CFAP77: variants seen among roughly 807,000 people sequenced by gnomAD.
CFAP77 encodes the protein cilia and flagella associated protein 77, also known as cilia- and flagella-associated protein 77.
Under a neutral mutation model 31.1 loss-of-function variants are expected in CFAP77, and 25 were observed. The observed-to-expected ratio is 0.80, with a 90% CI of 0.59 to 1.12. The LOEUF (loss-of-function observed/expected upper bound fraction) is 1.12, where lower values mean the gene tolerates loss of function less well. Ranked by LOEUF, CFAP77 falls within the 50% of genes most tolerant of loss-of-function variation. The pLI, the probability that CFAP77 is intolerant of heterozygous loss-of-function variation, is 0.00. For synonymous variants in CFAP77, 151 were observed against 159.9 expected (o/e 0.94, Z 0.42); for missense variants, 377 against 397.3 (o/e 0.95, Z 0.44).
At chr9:132,549,018 T>A (rs1852781502) in intron 5 of CFAP77, among the ~76,000 whole-genome samples, 1 of 152,028 alleles carries the variant, frequency 6.6e-6, no homozygotes, top group Non-Finnish European at 1.5e-5. Flanking sequence ...AAAAAATATA[T>A]CTCAGCAGCC....
intron 3 of CFAP77, among the ~76,000 whole-genome samples, chr9:132,519,082 T>C (rs1852199046): frequency 6.6e-6 from 1 of 151,988 alleles, no homozygotes; most frequent in African/African-American, 2.4e-5. Context: ...TGCTGTATGC[T>C]CTGTGACCCC....
chr9:132,551,272 C>T (rs886161544), intron 5 of CFAP77, among the ~76,000 whole-genome samples: 1 of 147,614 alleles, frequency 6.8e-6, no homozygotes, highest in African/African-American at 2.5e-5. Flanking sequence ...TGGGTGCCAG[C>T]CTGGGTGCCC....
chr9:132,456,913 A>G (rs525754), intron 1 of CFAP77, among the ~76,000 whole-genome samples: 63,450 of 151,616 alleles, frequency 0.42, 14,106 homozygotes, highest in African/African-American at 0.58. Context: ...ACCGTGTCTG[A>G]CTAATGTATG....
intron 1 of CFAP77, among the ~76,000 whole-genome samples, chr9:132,433,361 T>C (rs1349377854): frequency 6.6e-6 from 1 of 152,142 alleles, no homozygotes; most frequent in Non-Finnish European, 1.5e-5. Context: ...ATGGCCCTTC[T>C]TCCCTTACCA....
chr9:132,461,674 G>A (rs1851052048), intron 1 of CFAP77, among the ~76,000 whole-genome samples: 1 of 152,212 alleles, frequency 6.6e-6, no homozygotes, highest in East Asian at 1.9e-4. Flanking sequence ...TATTGGTTTA[G>A]CAAAGGCAGA....
intron 3 of CFAP77, among the ~76,000 whole-genome samples, chr9:132,529,810 C>G (rs370664805): frequency 0.069 from 10,157 of 148,126 alleles, 426 homozygotes; most frequent in South Asian, 0.12. Flanking sequence ...TGGCAACAGA[C>G]CAAGACTCTG....
At chr9:132,422,132 C>T (rs1467542780) in intron 1 of CFAP77, among the ~76,000 whole-genome samples, 3 of 152,148 alleles carry the variant, frequency 2.0e-5, no homozygotes, top group Non-Finnish European at 4.4e-5. Context: ...CCTCAGCCTC[C>T]CCAGTATCTG....
intron 5 of CFAP77, among the ~76,000 whole-genome samples, chr9:132,562,405 G>A (rs550563413): frequency 2.0e-5 from 3 of 152,152 alleles, no homozygotes; most frequent in African/African-American, 4.8e-5. Context: ...TTTTCCTTCC[G>A]CCCCTTTCTG....
At chr9:132,502,261 A>ATTT (rs1851857857) in intron 3 of CFAP77, among the ~76,000 whole-genome samples, 26 of 72,422 alleles carry the variant, frequency 3.6e-4, no homozygotes, top group South Asian at 1.6e-3. Context: ...ATATATATAT[A>ATTT]TATATTTTTT....
At chr9:132,553,417 CTAAG>C (rs1413129954) in intron 5 of CFAP77, among the ~76,000 whole-genome samples, 1 of 152,128 alleles carries the variant, frequency 6.6e-6, no homozygotes, top group Admixed American at 6.5e-5. Flanking sequence ...GCCTGGGCAA[CTAAG>C]TGAGACTCTG....
rs749045226 is a variant in CFAP77, at chr9:132,543,019, C to T, written c.704C>T (p.Thr235Ile). 1 of 1,614,162 alleles carries T rather than the reference C, an allele frequency of 6.2e-7. No individual in the cohort carries two copies. Among genetic ancestry groups the T allele is most frequent in the South Asian group, 1.1e-5 (1 of 91,082 alleles). ...RKYKPPVKLD[T>I]LWHMPHFQKV... Reference sequence around the variant, plus strand: ...TACAAGCCGCCCGTGAAGCTGGACACCCTCTGGCACATGCCTCACTTCCAG... The same window carrying T: ...TACAAGCCGCCCGTGAAGCTGGACATCCTCTGGCACATGCCTCACTTCCAG... The change falls in exon 5 of 6, where the codon ACC becomes ATC. Residue 235 changes from threonine to isoleucine, a missense_variant. Coordinates refer to ENST00000393216, the MANE Select transcript of CFAP77 (RefSeq NM_001282957.2).
intron 1 of CFAP77, among the ~76,000 whole-genome samples, chr9:132,458,285 G>C (rs1850957013): frequency 7.2e-6 from 1 of 138,158 alleles, no homozygotes; most frequent in South Asian, 2.3e-4. Context: ...TACGGTCGCA[G>C]CGACAAGCTT....
Position 132,543,152 on chromosome 9 carries a change from C to T in CFAP77, c.732+105C>T, listed in dbSNP as rs904354662. On this transcript the variant is annotated intron_variant, in intron 5 of 5. Transcript: ENST00000393216. ...CTGGGTTCTGTGGGCTTCTCACCATCGATTAGTACAACAGCCGCAGCAGCA... is the reference window on the plus strand; with the variant it reads ...CTGGGTTCTGTGGGCTTCTCACCATTGATTAGTACAACAGCCGCAGCAGCA... 2.3e-5 allele frequency: 20 copies of T among 862,042 alleles called. No homozygotes were observed. The East Asian group carries it at 2.6e-4, about 11-fold the overall frequency. The allele number at this position is 862,042 out of a possible 1,614,324, so 53.4% of individuals were successfully genotyped here. A position where few individuals can be genotyped will look rare whatever the true frequency, so the allele number is the denominator to read the frequency against.
At chr9:132,415,462 C>A (rs539285571) in intron 1 of CFAP77, among the ~76,000 whole-genome samples, 2 of 151,874 alleles carry the variant, frequency 1.3e-5, no homozygotes, top group African/African-American at 2.4e-5. Flanking sequence ...GCCGGAGGAG[C>A]CTGCTGTCCT....
rs567147173 is a variant in CFAP77 at position 132,564,244 on chromosome 9, C to G, written c.733-8144C>G. ...TACAAGGACAAGGGCCACATCTTAG[C>G]CTCAACCCAGGTCCCATGGACATCT... is the stretch of plus-strand genomic sequence containing the variant. On this transcript the variant is annotated intron_variant, in intron 5 of 5. Coordinates refer to ENST00000393216, the MANE Select transcript of CFAP77 (RefSeq NM_001282957.2). The surrounding 1 kb of genome is among the most constrained non-coding windows in gnomAD (Gnocchi z 4.6). Among the ~76,000 whole-genome samples, 1 of 152,288 alleles carries G rather than the reference C, an allele frequency of 6.6e-6. No homozygotes were observed. The highest frequency in any genetic ancestry group is 2.1e-4 in the South Asian group (1 of 4,826).
Position 132,424,041 on chromosome 9 carries a change from C to A in CFAP77, c.195+13575C>A, listed in dbSNP as rs978918786. Among the ~76,000 whole-genome samples the A allele has an allele frequency of 5.9e-5, 9 of 152,188 alleles. No homozygotes were observed. The highest frequency in any genetic ancestry group is 2.1e-4 in the South Asian group (1 of 4,832). On this transcript the variant is annotated intron_variant, in intron 1 of 5. Coordinates refer to ENST00000393216, the MANE Select transcript of CFAP77 (RefSeq NM_001282957.2). The surrounding 1 kb of genome is among the most constrained non-coding windows in gnomAD (Gnocchi z 4.1). The stretch of plus-strand genomic sequence containing the variant: ...TTGGGCAGAAAATTCACATCACACA[C>A]GTGCACCTACGGCCAGAAGTTGACT...
chr9:132,557,364 G>A (rs1331274825), intron 5 of CFAP77, among the ~76,000 whole-genome samples: 3 of 152,172 alleles, frequency 2.0e-5, no homozygotes, highest in Non-Finnish European at 4.4e-5. Context: ...AGCCACCGCC[G>A]TGGGGGCACG....
In CFAP77 at chr9:132,543,005, C is replaced by G. The variant is rs148870688; in HGVS notation, c.690C>G (p.Pro230=). The G allele has an allele frequency of 8.1e-6, 13 of 1,614,040 alleles. No homozygotes were observed. In the African/African-American group the frequency reaches 1.6e-4, roughly 20 times the overall value. ...RSSQLRKYKP[P]VKLDTLWHMP... ...GTCAGCTGAGGAAGTACAAGCCGCC[C>G]GTGAAGCTGGACACCCTCTGGCACA... is the stretch of plus-strand genomic sequence containing the variant. The change falls in exon 5 of 6, where the codon CCC becomes CCG. Residue 230 remains proline (P), a synonymous_variant. Coordinates refer to ENST00000393216, the MANE Select transcript of CFAP77 (RefSeq NM_001282957.2).
At chr9:132,566,345 C>T (rs531922708) in intron 5 of CFAP77, among the ~76,000 whole-genome samples, 7 of 152,344 alleles carry the variant, frequency 4.6e-5, no homozygotes, top group African/African-American at 1.7e-4. Context: ...ACTTAACCTT[C>T]TGGGACCTCC....
Sources: gnomAD v4.1 joint callset for allele counts (sites outside exome capture counted in the v4.1 genomes callset) on GRCh38, gnomAD v4.1.1 for gene constraint, Gnocchi (gnomAD v3.1) non-coding constraint, MANE v1.5 for transcripts, NCBI Gene and HGNC (gene_info 2026-07-23, HGNC 2026-07-21) for gene names.